Variants in PLAC1 observed in about 807,000 individuals in gnomAD.
PLAC1 encodes the protein placenta-specific protein 1.
For missense variants in PLAC1, 136 were observed against 163.2 expected, an observed-to-expected ratio of 0.83 and a Z score of 0.91; for synonymous variants, 68 against 62.1, an observed-to-expected ratio of 1.09 and a Z score of -0.44.
chrX:134,742,000 T>TG (rs1185591584), intron 1 of PLAC1, among the ~76,000 whole-genome samples: 2 of 110,398 alleles, frequency 1.8e-5, no homozygotes, highest in Non-Finnish European at 3.8e-5. Context: ...GCTGGCAGAG[T>TG]GGGGATTTCA....
At chrX:134,734,331 G>A (rs962863956) in intron 1 of PLAC1, among the ~76,000 whole-genome samples, 1 of 112,613 alleles carries the variant, frequency 8.9e-6, no homozygotes, top group African/African-American at 3.2e-5. Flanking sequence ...GGCTGGTTTC[G>A]GGAGAACTAT....
chrX:134,677,861 G>A (rs1377344563), intron 2 of PLAC1, among the ~76,000 whole-genome samples: 1 of 111,778 alleles, frequency 8.9e-6, no homozygotes, highest in Non-Finnish European at 1.9e-5. Flanking sequence ...CTATCATAGT[G>A]GACCAGGCAA....
intron 2 of PLAC1, among the ~76,000 whole-genome samples, chrX:134,717,854 T>G (rs1397750008): frequency 8.9e-6 from 1 of 112,269 alleles, no homozygotes; most frequent in Non-Finnish European, 1.9e-5. Flanking sequence ...ATTTGTCAAA[T>G]GTCACACACT....
chrX:134,693,641 C>A (rs1037129005), intron 2 of PLAC1, among the ~76,000 whole-genome samples: 2 of 111,321 alleles, frequency 1.8e-5, no homozygotes, highest in Non-Finnish European at 3.8e-5. Flanking sequence ...CACAAGTACA[C>A]CATTCTTATA....
chrX:134,673,391 A>G (rs959009334), intron 2 of PLAC1, among the ~76,000 whole-genome samples: 1 of 108,993 alleles, frequency 9.2e-6, no homozygotes, highest in African/African-American at 3.3e-5. Flanking sequence ...GAGAGGGGAG[A>G]CAGGGAAAAG....
chrX:134,704,130 G>A (rs2078592957), intron 2 of PLAC1, among the ~76,000 whole-genome samples: 1 of 106,493 alleles, frequency 9.4e-6, no homozygotes, highest in Non-Finnish European at 1.9e-5. Context: ...AAGAAGGCAG[G>A]GGAAATAAAA....
chrX:134,613,150 T>C (rs1031142809), intron 1 of PLAC1, among the ~76,000 whole-genome samples: 1 of 110,253 alleles, frequency 9.1e-6, no homozygotes, highest in Non-Finnish European at 1.9e-5. Context: ...TGAGGCCCCA[T>C]CTCCAAAATA....
In PLAC1 at chrX:134,581,922, C is replaced by T. The variant is rs188503988; in HGVS notation, c.-58-15182G>A. 4.1e-3 allele frequency among the ~76,000 whole-genome samples: 461 copies of T among 111,994 alleles called. 4 individuals are homozygous for T. Among genetic ancestry groups the T allele is most frequent in the African/African-American group, 0.013 (397 of 30,806 alleles). The stretch of plus-strand genomic sequence containing the variant: ...CAGAAGTGCTGGCCTATTAGAGGGG[C>T]CTGACCATTTTGTGTGGAAAGCAAA... On this transcript the variant is annotated intron_variant, in intron 2 of 2. Coordinates refer to ENST00000359237, the MANE Select transcript of PLAC1 (RefSeq NM_021796.4).
At chrX:134,711,378 G>A (rs1156974963) in intron 2 of PLAC1, among the ~76,000 whole-genome samples, 4 of 112,107 alleles carry the variant, frequency 3.6e-5, no homozygotes, top group Non-Finnish European at 7.5e-5. Flanking sequence ...ATGTTATCAA[G>A]CTCTTATTCT....
intron 2 of PLAC1, among the ~76,000 whole-genome samples, chrX:134,706,964 CAGA>C (rs1400161126): frequency 8.9e-6 from 1 of 111,830 alleles, no homozygotes; most frequent in East Asian, 2.8e-4. Context: ...ATCAAAGTCA[CAGA>C]AGGAGAGGGA....
intron 2 of PLAC1, among the ~76,000 whole-genome samples, chrX:134,590,992 C>T (rs1014123036): frequency 1.8e-5 from 2 of 110,572 alleles, no homozygotes; most frequent in Non-Finnish European, 3.8e-5. Context: ...CAGCACATGT[C>T]GAGAGAATGG....
At chrX:134,690,717 G>A (rs982160300) in intron 2 of PLAC1, among the ~76,000 whole-genome samples, 2 of 106,979 alleles carry the variant, frequency 1.9e-5, no homozygotes, top group African/African-American at 3.4e-5. Context: ...TGGATCACGA[G>A]GTCAGGAGAT....
chrX:134,754,070 T>C (rs1419992967), intron 1 of PLAC1, among the ~76,000 whole-genome samples: 1 of 112,456 alleles, frequency 8.9e-6, no homozygotes, highest in Non-Finnish European at 1.9e-5. Context: ...GGCGTAATTA[T>C]GGTGATTTTT....
At chrX:134,693,603 C>G (rs763444502) in intron 2 of PLAC1, among the ~76,000 whole-genome samples, 5 of 111,598 alleles carry the variant, frequency 4.5e-5, no homozygotes, top group African/African-American at 1.6e-4. Context: ...CTTCTCCTGT[C>G]TTGTTACGTG....
intron 2 of PLAC1, among the ~76,000 whole-genome samples, chrX:134,682,028 G>T (rs763409897): frequency 3.6e-5 from 4 of 111,740 alleles, no homozygotes; most frequent in Middle Eastern, 4.6e-3. Context: ...TGTTGTTAGG[G>T]TTGTAATTTC....
intron 2 of PLAC1, among the ~76,000 whole-genome samples, chrX:134,680,610 C>CTAAACAT (rs1333617007): frequency 2.5e-5 from 1 of 39,420 alleles, no homozygotes; most frequent in African/African-American, 7.5e-5. Context: ...AAACTAAACA[C>CTAAACAT]CTTCCTTCCC....
At chrX:134,743,192 TGAAAA>T (rs2078721269) in intron 1 of PLAC1, among the ~76,000 whole-genome samples, 1 of 111,786 alleles carries the variant, frequency 8.9e-6, no homozygotes, top group Non-Finnish European at 1.9e-5. Context: ...CTAACTGACT[TGAAAA>T]GAAGTCAAAA....
At chrX:134,758,183 T>C (rs1485436050) in intron 1 of PLAC1, among the ~76,000 whole-genome samples, 4 of 109,973 alleles carry the variant, frequency 3.6e-5, no homozygotes, top group African/African-American at 1.3e-4. Context: ...AAACCCATGC[T>C]CATGGGTTGG....
intron 1 of PLAC1, among the ~76,000 whole-genome samples, chrX:134,626,601 C>T (rs752152745): frequency 1.5e-4 from 17 of 111,832 alleles, no homozygotes; most frequent in Non-Finnish European, 2.8e-4. Flanking sequence ...TTACTTGGCT[C>T]ATGACACCCA....
Sources: gnomAD v4.1 joint callset for allele counts (sites outside exome capture counted in the v4.1 genomes callset) on GRCh38, gnomAD v4.1.1 for gene constraint, MANE v1.5 for transcripts, NCBI Gene and HGNC (gene_info 2026-07-23, HGNC 2026-07-21) for gene names.